Variants in ARHGAP6 observed in about 807,000 individuals in gnomAD.
The protein encoded by ARHGAP6 is Rho GTPase activating protein 6.
Under a neutral mutation model 55.7 loss-of-function variants are expected in ARHGAP6, and 16 were observed. The observed-to-expected ratio is 0.29, with a 90% CI of 0.19 to 0.44. The LOEUF (loss-of-function observed/expected upper bound fraction) is 0.44, where lower values mean the gene tolerates loss of function less well. Ranked by LOEUF, ARHGAP6 falls within the 20% of genes least tolerant of loss-of-function variation. The pLI is 1.00. For synonymous variants in ARHGAP6, 382 were observed against 360.9 expected (o/e 1.06, Z -0.66); for missense variants, 698 against 808.9 (o/e 0.86, Z 1.66).
chrX:11,358,433 CTTTCTT>C (rs1373972875), intron 1 of ARHGAP6, among the ~76,000 whole-genome samples: 724 of 28,706 alleles, frequency 0.025, 13 homozygotes, highest in African/African-American at 0.07. Flanking sequence ...TTAACTGTAT[CTTTCTT>C]TCTTTCTTTC....
chrX:11,304,682 C>T (rs2048214833), intron 1 of ARHGAP6, among the ~76,000 whole-genome samples: 1 of 108,728 alleles, frequency 9.2e-6, no homozygotes, highest in African/African-American at 3.4e-5. Context: ...CCTTTGTGTA[C>T]AGTGACTCCC....
chrX:11,556,799 A>C (rs747751647), intron 1 of ARHGAP6, among the ~76,000 whole-genome samples: 7 of 111,968 alleles, frequency 6.3e-5, no homozygotes, highest in African/African-American at 2.3e-4. Context: ...GTATTTCTAG[A>C]ATATCCTGTT....
At chrX:11,567,512 C>A (rs759462946) in intron 1 of ARHGAP6, among the ~76,000 whole-genome samples, 37 of 98,421 alleles carry the variant, frequency 3.8e-4, no homozygotes, top group African/African-American at 1.4e-3. Context: ...CGAGATGGCG[C>A]CACTGCACTC....
chrX:11,477,261 A>C (rs2050413381), intron 1 of ARHGAP6, among the ~76,000 whole-genome samples: 1 of 111,613 alleles, frequency 9.0e-6, no homozygotes, highest in Non-Finnish European at 1.9e-5. Flanking sequence ...GATATTTATC[A>C]GCACTATTCA....
chrX:11,186,187 C>T (rs2046384531), intron 5 of ARHGAP6, 49 bp downstream of exon 5: 2 of 1,106,829 alleles, frequency 1.8e-6, no homozygotes, highest in Admixed American at 4.9e-5. Flanking sequence ...GTGAATGATG[C>T]TTGAATAAAT....
intron 2 of ARHGAP6, among the ~76,000 whole-genome samples, chrX:11,239,256 TA>T (rs752448927): frequency 2.7e-5 from 3 of 109,410 alleles, no homozygotes; most frequent in East Asian, 5.7e-4. Flanking sequence ...ATTCCAAAAT[TA>T]AAAAAAAATA....
chrX:11,336,518 A>G (rs2048639520), intron 1 of ARHGAP6, among the ~76,000 whole-genome samples: 1 of 111,884 alleles, frequency 8.9e-6, no homozygotes, highest in South Asian at 3.8e-4. Flanking sequence ...CAGGAACAAG[A>G]AGGCCTTTGC....
intron 3 of ARHGAP6, among the ~76,000 whole-genome samples, chrX:11,190,540 T>G (rs776052243): frequency 4.7e-5 from 5 of 107,445 alleles, no homozygotes; most frequent in African/African-American, 1.7e-4. Flanking sequence ...CACACATACA[T>G]ATAATCTTGT....
intron 1 of ARHGAP6, among the ~76,000 whole-genome samples, chrX:11,589,679 G>T (rs191201739): frequency 4.5e-5 from 5 of 111,154 alleles, no homozygotes; most frequent in African/African-American, 1.6e-4. Context: ...CTAATAGGGA[G>T]CCTGATAGGC....
At position 11,138,844 on chromosome X, in the gene ARHGAP6, G is replaced by C. The variant is rs369509243; in HGVS notation, c.*19C>G. 5.0e-5 allele frequency: 58 copies of C among 1,165,486 alleles called. No homozygotes were observed. Among genetic ancestry groups the C allele is most frequent in the Non-Finnish European group, 5.5e-5 (48 of 879,026 alleles). On this transcript the variant is annotated 3_prime_UTR_variant, in exon 13 of 13. Transcript: ENST00000337414. ...AGGGCGGGGGGCTCGGGGCAGGGGG[G>C]GCTCGGCTGGGTGCGGGCTCAGACC...
intron 1 of ARHGAP6, among the ~76,000 whole-genome samples, chrX:11,537,369 G>C (rs1189741890): frequency 8.9e-6 from 1 of 111,770 alleles, no homozygotes; most frequent in African/African-American, 3.3e-5. Context: ...ACAATGCACA[G>C]GACAGCTCCT....
At chrX:11,451,487 C>T (rs998318190) in intron 1 of ARHGAP6, among the ~76,000 whole-genome samples, 3 of 112,253 alleles carry the variant, frequency 2.7e-5, no homozygotes, top group Admixed American at 9.4e-5. Context: ...TTAGTTACAA[C>T]TGATGATAAA....
chrX:11,612,071 C>T (rs975469924), intron 1 of ARHGAP6, among the ~76,000 whole-genome samples: 1 of 112,193 alleles, frequency 8.9e-6, no homozygotes. Context: ...CTCAAATTAG[C>T]TTAATCTTCC....
chrX:11,307,250 C>T (rs1395418402), intron 1 of ARHGAP6, among the ~76,000 whole-genome samples: 1 of 111,047 alleles, frequency 9.0e-6, no homozygotes, highest in Non-Finnish European at 1.9e-5. Context: ...TTTCAAGCAG[C>T]ATTCTGAAAT....
intron 1 of ARHGAP6, among the ~76,000 whole-genome samples, chrX:11,346,023 C>G (rs1413121999): frequency 9.1e-6 from 1 of 109,580 alleles, no homozygotes; most frequent in East Asian, 2.9e-4. Context: ...TGGACACAAA[C>G]TCCTGGGGCA....
chrX:11,451,340 T>G (rs771898506), intron 1 of ARHGAP6, among the ~76,000 whole-genome samples: 1 of 111,813 alleles, frequency 8.9e-6, no homozygotes, highest in Non-Finnish European at 1.9e-5. Context: ...CTTGTTACCA[T>G]AGCAACAAAG....
intron 1 of ARHGAP6, among the ~76,000 whole-genome samples, chrX:11,267,527 G>C (rs1303657074): frequency 8.9e-6 from 1 of 112,345 alleles, no homozygotes; most frequent in Non-Finnish European, 1.9e-5. Context: ...CCACAGTTCA[G>C]AGTCAGTACT....
chrX:11,663,819 T>A (rs1008932000), intron 1 of ARHGAP6, among the ~76,000 whole-genome samples: 2 of 112,550 alleles, frequency 1.8e-5, no homozygotes, highest in Non-Finnish European at 3.7e-5. Context: ...CAAAATAATG[T>A]TTCTGAATTC....
chrX:11,542,092 T>C (rs1168914536), intron 1 of ARHGAP6, among the ~76,000 whole-genome samples: 1 of 110,296 alleles, frequency 9.1e-6, no homozygotes, highest in Non-Finnish European at 1.9e-5. Flanking sequence ...TTTTTTTTTT[T>C]TTCTCACTCC....
Sources: gnomAD v4.1 joint callset for allele counts (sites outside exome capture counted in the v4.1 genomes callset) on GRCh38, gnomAD v4.1.1 for gene constraint, MANE v1.5 for transcripts, NCBI Gene and HGNC (gene_info 2026-07-23, HGNC 2026-07-21) for gene names.